Variants in MRTFB observed in about 807,000 individuals in gnomAD.
MRTFB encodes the protein myocardin-related transcription factor B.
MRTFB carries 29 observed loss-of-function variants against 104.2 expected under a neutral mutation model. That is an observed-to-expected ratio of 0.28 (90% CI 0.21 to 0.38). The LOEUF is 0.38. MRTFB is among the 10% of genes least tolerant of loss of function. The probability of loss-of-function intolerance (pLI) is 1.00; values close to 1 mark genes in which losing one functional copy is unlikely to be tolerated. For synonymous variants in MRTFB, 535 were observed against 519.5 expected, an observed-to-expected ratio of 1.03 and a Z score of -0.41; for missense variants, 1,270 against 1,341.6, an observed-to-expected ratio of 0.95 and a Z score of 0.83.
At chr16:14,154,640 C>A (rs1221677907) in intron 3 of MRTFB, among the ~76,000 whole-genome samples, 1 of 152,190 alleles carries the variant, frequency 6.6e-6, no homozygotes, top group African/African-American at 2.4e-5. Flanking sequence ...TCAGGCATGT[C>A]TTAGCTGAGT....
chr16:14,049,512 T>G, the MRTFB span, among the ~76,000 whole-genome samples: 1 of 152,208 alleles, frequency 6.6e-6, no homozygotes, highest in Non-Finnish European at 1.5e-5. Context: ...AGATTAAATG[T>G]GAGTGAAGAA....
intron 3 of MRTFB, among the ~76,000 whole-genome samples, chr16:14,181,915 A>G (rs1485127437): frequency 6.6e-6 from 1 of 152,190 alleles, no homozygotes; most frequent in Non-Finnish European, 1.5e-5. Context: ...GGGAAAATGG[A>G]CTTGATTTAT....
At chr16:14,014,697 T>G in the MRTFB span, among the ~76,000 whole-genome samples, 1 of 150,026 alleles carries the variant, frequency 6.7e-6, no homozygotes, top group Non-Finnish European at 1.5e-5. Flanking sequence ...CTACTAAAAA[T>G]GCAAAAAAGA....
At position 14,159,929 on chromosome 16, in the gene MRTFB, C is replaced by CAAAAAA. The variant is rs552159164; in HGVS notation, c.154+19187_154+19192dup. Among the ~76,000 whole-genome samples the CAAAAAA allele has an allele frequency of 3.2e-3, 175 of 55,554 alleles. 9 individuals are homozygous for CAAAAAA. Among genetic ancestry groups the CAAAAAA allele is most frequent in the African/African-American group, 8.4e-3 (161 of 19,058 alleles). 36.4% of individuals were successfully genotyped at this position (55,554 alleles called of 152,430 possible). ...TGGGCGACAGAGCGAGACTCCGTCT[C>CAAAAAA]AAAAAAAAAAAAAAAAAAAAAAAGA... On this transcript the variant is annotated intron_variant, in intron 3 of 16. Coordinates refer to ENST00000571589, the MANE Select transcript of MRTFB (RefSeq NM_001308142.2).
intron 3 of MRTFB, among the ~76,000 whole-genome samples, chr16:14,202,993 C>T (rs906298522): frequency 4.6e-5 from 7 of 152,122 alleles, no homozygotes; most frequent in African/African-American, 1.7e-4. Context: ...TCTTAACTAC[C>T]CTGACATCTG....
At chr16:14,110,420 C>G (rs911809387) in intron 2 of MRTFB, among the ~76,000 whole-genome samples, 11 of 152,182 alleles carry the variant, frequency 7.2e-5, no homozygotes, top group African/African-American at 2.7e-4. Flanking sequence ...AGGTAGGGTT[C>G]TAGTGCCAGC....
At chr16:14,029,828 G>A in the MRTFB span, among the ~76,000 whole-genome samples, 1 of 152,172 alleles carries the variant, frequency 6.6e-6, no homozygotes, top group African/African-American at 2.4e-5. Context: ...CCCATGGGCA[G>A]CATCCTCTGG....
intron 2 of MRTFB, among the ~76,000 whole-genome samples, chr16:14,137,031 T>G (rs2037755684): frequency 6.6e-6 from 1 of 152,342 alleles, no homozygotes; most frequent in African/African-American, 2.4e-5. Context: ...ATTGTTTTAC[T>G]TTTGTAACTA....
chr16:14,240,861 C>A (rs2042736991), intron 10 of MRTFB: 3 of 634,254 alleles, frequency 4.7e-6, no homozygotes, highest in South Asian at 3.8e-5. Context: ...CTGGAGTGGT[C>A]AAAGGAAAGC....
At chr16:14,244,518 C>T (rs1422701637) in intron 10 of MRTFB, among the ~76,000 whole-genome samples, 1 of 152,222 alleles carries the variant, frequency 6.6e-6, no homozygotes, top group African/African-American at 2.4e-5. Flanking sequence ...GTAGTTGCAT[C>T]ATTCACAGCT....
chr16:13,995,410 T>C, the MRTFB span, among the ~76,000 whole-genome samples: 1 of 152,182 alleles, frequency 6.6e-6, no homozygotes, highest in African/African-American at 2.4e-5. Flanking sequence ...AGGAGCATTG[T>C]CTCTTGCAAA....
chr16:14,076,275 T>C (rs190320972), intron 1 of MRTFB, among the ~76,000 whole-genome samples: 33 of 152,224 alleles, frequency 2.2e-4, no homozygotes, highest in African/African-American at 7.7e-4. Context: ...CACTGTAACC[T>C]CCATCTCTCA....
Position 14,258,086 on chromosome 16 carries a change from T to G in MRTFB, c.2704-15T>G. On this transcript the variant is annotated splice_polypyrimidine_tract_variant and intron_variant, in intron 15 of 16. Coordinates refer to ENST00000571589, the MANE Select transcript of MRTFB (RefSeq NM_001308142.2). ...TGTATGAAAGAAACCTAATTTGTAC[T>G]CTCCTTCATTGTAGATTTCCAACGC... 6.2e-7 allele frequency: 1 copy of G among 1,611,800 alleles called. No individual in the cohort carries two copies. Among genetic ancestry groups the G allele is most frequent in the Non-Finnish European group, 8.5e-7 (1 of 1,177,990 alleles).
chr16:14,061,544 T>C, the MRTFB span, among the ~76,000 whole-genome samples: 4 of 152,154 alleles, frequency 2.6e-5, no homozygotes, highest in Admixed American at 2.0e-4. Flanking sequence ...CTTTTTTTTT[T>C]TTCGGTCTGG....
chr16:14,120,281 G>A (rs1424945487), intron 2 of MRTFB, among the ~76,000 whole-genome samples: 1 of 152,160 alleles, frequency 6.6e-6, no homozygotes, highest in Non-Finnish European at 1.5e-5. Context: ...TTGGGTGCCA[G>A]TTTCACATTA....
At chr16:14,058,022 G>A in the MRTFB span, among the ~76,000 whole-genome samples, 121 of 152,304 alleles carry the variant, frequency 7.9e-4, no homozygotes, top group Non-Finnish European at 1.3e-3. Context: ...AGAATACCCC[G>A]GAGCAGGGAG....
chr16:14,035,118 G>C, the MRTFB span, among the ~76,000 whole-genome samples: 1 of 152,204 alleles, frequency 6.6e-6, no homozygotes, highest in Non-Finnish European at 1.5e-5. Context: ...AAAACCACGA[G>C]TAGTGGAAGT....
the MRTFB span, among the ~76,000 whole-genome samples, chr16:14,062,508 A>C: frequency 3.3e-5 from 5 of 152,028 alleles, no homozygotes; most frequent in Non-Finnish European, 7.4e-5. Flanking sequence ...AAGCAGGGGG[A>C]GTGGGCTGGC....
At chr16:14,207,809 T>C (rs2041016486) in intron 3 of MRTFB, among the ~76,000 whole-genome samples, 1 of 152,204 alleles carries the variant, frequency 6.6e-6, no homozygotes, top group Non-Finnish European at 1.5e-5. Flanking sequence ...CTGTGAGCTG[T>C]TCTAGCAAAT....
Sources: gnomAD v4.1 joint callset for allele counts (sites outside exome capture counted in the v4.1 genomes callset) on GRCh38, gnomAD v4.1.1 for gene constraint, MANE v1.5 for transcripts, NCBI Gene and HGNC (gene_info 2026-07-23, HGNC 2026-07-21) for gene names.